Variants in XYLT1 observed in about 807,000 individuals in gnomAD.
XYLT1 encodes beta-D-xylosyltransferase 1.
In XYLT1, 36 loss-of-function variants were observed where a neutral mutation model predicts 91.3. The observed-to-expected ratio is 0.39, with a 90% CI of 0.30 to 0.52. XYLT1 has a LOEUF of 0.52. Among genes scored for constraint, XYLT1 ranks in the 20% least tolerant of loss-of-function variants. The pLI is 0.68. For missense variants in XYLT1, 1,242 were observed against 1,284.5 expected (o/e 0.97, Z 0.51); for synonymous variants, 588 against 532.0 (o/e 1.11, Z -1.45).
intron 1 of XYLT1, among the ~76,000 whole-genome samples, chr16:17,427,606 G>A (rs551023592): frequency 4.1e-4 from 62 of 152,156 alleles, no homozygotes; most frequent in African/African-American, 1.2e-3. Context: ...TTTCAAATGC[G>A]TCACCCCACA....
At chr16:17,197,014 A>AATATATAT (rs536988187) in intron 5 of XYLT1, among the ~76,000 whole-genome samples, 2,973 of 110,224 alleles carry the variant, frequency 0.027, 195 homozygotes, top group African/African-American at 0.06. Context: ...CTGTCTCCAA[A>AATATATAT]ATATATATAT....
chr16:17,127,557 C>A, intron 10 of XYLT1, 109 bp downstream of exon 10: 1 of 1,332,750 alleles, frequency 7.5e-7, no homozygotes, highest in South Asian at 1.4e-5. Context: ...TTAGGGATCT[C>A]CAAGTCCTCT....
chr16:17,255,376 T>C (rs2033615929), intron 3 of XYLT1, among the ~76,000 whole-genome samples: 2 of 152,156 alleles, frequency 1.3e-5, no homozygotes, highest in Non-Finnish European at 2.9e-5. Flanking sequence ...TTCTGCCCTA[T>C]GACGGATGGC....
At chr16:17,254,859 G>T (rs1015762199) in intron 3 of XYLT1, among the ~76,000 whole-genome samples, 1 of 152,182 alleles carries the variant, frequency 6.6e-6, no homozygotes, top group Non-Finnish European at 1.5e-5. Context: ...CTGCAAGGAG[G>T]TTGGCACCCC....
intron 1 of XYLT1, among the ~76,000 whole-genome samples, chr16:17,389,714 T>C (rs1655788616): frequency 6.6e-6 from 1 of 152,180 alleles, no homozygotes; most frequent in South Asian, 2.1e-4. Flanking sequence ...AAGTGAAATA[T>C]ACAGCCCACC....
intron 1 of XYLT1, among the ~76,000 whole-genome samples, chr16:17,386,772 G>A (rs1042828879): frequency 6.6e-6 from 1 of 152,312 alleles, no homozygotes; most frequent in East Asian, 1.9e-4. Flanking sequence ...CCCAGGCACT[G>A]TTGAGCATAT....
At chr16:17,273,162 T>C (rs888989980) in intron 2 of XYLT1, among the ~76,000 whole-genome samples, 1 of 152,218 alleles carries the variant, frequency 6.6e-6, no homozygotes, top group Non-Finnish European at 1.5e-5. Flanking sequence ...TGATACAACA[T>C]TATTATGAAT....
intron 1 of XYLT1, among the ~76,000 whole-genome samples, chr16:17,457,181 G>A (rs971030944): frequency 6.6e-5 from 10 of 152,204 alleles, no homozygotes; most frequent in African/African-American, 1.9e-4. Context: ...ACTAATTCAA[G>A]TTTTGATTTT....
chr16:17,150,528 T>C (rs1280152427), intron 6 of XYLT1, among the ~76,000 whole-genome samples: 1 of 152,236 alleles, frequency 6.6e-6, no homozygotes, highest in Admixed American at 6.5e-5. Context: ...CTCTGTTCTA[T>C]GCACTTAATA....
chr16:17,418,351 T>C (rs1481850560), intron 1 of XYLT1, among the ~76,000 whole-genome samples: 1 of 152,198 alleles, frequency 6.6e-6, no homozygotes, highest in Non-Finnish European at 1.5e-5. Flanking sequence ...TACCCGTTTA[T>C]ATAACTCCAA....
rs150211567 is a variant in XYLT1, at chr16:17,172,273, C to T, written c.1290-13364G>A. 4.7e-4 allele frequency among the ~76,000 whole-genome samples: 72 copies of T among 151,750 alleles called. No homozygotes were observed. The East Asian group carries it at 0.012, about 26-fold the overall frequency. ...TTTGTCCTTTTCTTTCCTTTCTCTT[C>T]CTGCATCCTGCCTACTCAATCTTTG... On this transcript the variant is annotated intron_variant, in intron 5 of 11. Transcript: ENST00000261381.
At chr16:17,444,210 C>T (rs2036565681) in intron 1 of XYLT1, among the ~76,000 whole-genome samples, 1 of 152,204 alleles carries the variant, frequency 6.6e-6, no homozygotes, top group African/African-American at 2.4e-5. Context: ...AGTCTCAGCC[C>T]ACCATAGTCA....
chr16:17,222,286 A>G (rs1468596107), intron 3 of XYLT1, among the ~76,000 whole-genome samples: 1 of 152,204 alleles, frequency 6.6e-6, no homozygotes, highest in Non-Finnish European at 1.5e-5. Flanking sequence ...ACATCTAGCA[A>G]TGTCTGGAGA....
chr16:17,458,331 C>T (rs1427078792), intron 1 of XYLT1, among the ~76,000 whole-genome samples: 3 of 152,212 alleles, frequency 2.0e-5, no homozygotes, highest in Non-Finnish European at 4.4e-5. Flanking sequence ...ATGCTAATTT[C>T]ATGTCCAACA....
chr16:17,342,176 C>A (rs1326842345), intron 2 of XYLT1, among the ~76,000 whole-genome samples: 1 of 152,232 alleles, frequency 6.6e-6, no homozygotes, highest in Non-Finnish European at 1.5e-5. Context: ...TCTAGCCACA[C>A]CAGGCTCTGC....
rs987013850 is a variant in XYLT1 at position 17,131,490 on chromosome 16, C to T, written c.2027+2983G>A. Among the ~76,000 whole-genome samples, 3 of 152,194 alleles carry T rather than the reference C, an allele frequency of 2.0e-5. No individual in the cohort carries two copies. In the South Asian group the frequency reaches 6.2e-4, roughly 31 times the overall value. On this transcript the variant is annotated intron_variant, in intron 9 of 11. Transcript: ENST00000261381. ...TGTACTGGGGTTCAGCTCCATGGACCTCCAGGTTCCCATGGTCAGCCCACC... is the reference window on the plus strand; with the variant it reads ...TGTACTGGGGTTCAGCTCCATGGACTTCCAGGTTCCCATGGTCAGCCCACC...
chr16:17,407,535 T>C (rs2036050037), intron 1 of XYLT1, among the ~76,000 whole-genome samples: 1 of 152,186 alleles, frequency 6.6e-6, no homozygotes, highest in South Asian at 2.1e-4. Flanking sequence ...GCTCAACTGA[T>C]CCTCCTGCTC....
intron 11 of XYLT1, among the ~76,000 whole-genome samples, chr16:17,112,166 A>G (rs944130144): frequency 6.6e-6 from 1 of 152,206 alleles, no homozygotes; most frequent in Non-Finnish European, 1.5e-5. Flanking sequence ...GGGAAACGCT[A>G]TTACAATATT....
intron 1 of XYLT1, among the ~76,000 whole-genome samples, chr16:17,391,121 C>A (rs887378160): frequency 6.6e-6 from 1 of 152,202 alleles, no homozygotes; most frequent in Non-Finnish European, 1.5e-5. Flanking sequence ...CCTGAGGTCA[C>A]AAGATTTGCA....
Sources: gnomAD v4.1 joint callset for allele counts (sites outside exome capture counted in the v4.1 genomes callset) on GRCh38, gnomAD v4.1.1 for gene constraint, MANE v1.5 for transcripts, NCBI Gene and HGNC (gene_info 2026-07-23, HGNC 2026-07-21) for gene names.